PCNX2: variants seen among roughly 807,000 people sequenced by gnomAD.
The protein encoded by PCNX2 is pecanex 2.
Under a neutral mutation model 223.8 loss-of-function variants are expected in PCNX2, and 168 were observed. The ratio of observed to expected loss-of-function variants is 0.75; its 90% CI spans 0.66 to 0.85. The LOEUF (loss-of-function observed/expected upper bound fraction) is 0.85. Ranked by LOEUF, PCNX2 falls within the 40% of genes least tolerant of loss-of-function variation. The pLI, the probability that PCNX2 is intolerant of heterozygous loss-of-function variation, is 0.00. For missense variants in PCNX2, 2,507 were observed against 2,675.5 expected (o/e 0.94, Z 1.39); for synonymous variants, 1,006 against 1,052.6 (o/e 0.96, Z 0.86).
rs79023280 is a variant in PCNX2, at chr1:233,061,579, T to C, written c.4077-4289A>G. Among the ~76,000 whole-genome samples, 131 of 152,148 alleles carry C rather than the reference T, an allele frequency of 8.6e-4. 1 individual carries two copies. The highest frequency in any genetic ancestry group is 1.4e-3 in the Admixed American group (22 of 15,270). ...ACAGCTCAGTTTGGCTGTTTCTTTT[T>C]TCAGGTTTGGCAGATGGTCTTGAAT... On this transcript the variant is annotated intron_variant, in intron 23 of 33. Coordinates refer to ENST00000258229, the MANE Select transcript of PCNX2 (RefSeq NM_014801.4).
chr1:233,054,184 AC>A, intron 25 of PCNX2, 83 bp downstream of exon 25: 1 of 1,287,684 alleles, frequency 7.8e-7, no homozygotes, highest in Non-Finnish European at 1.1e-6. Flanking sequence ...TTCCTGTTTA[AC>A]AGTGACTTCT....
chr1:233,052,609 C>A (rs532588615), intron 25 of PCNX2, among the ~76,000 whole-genome samples: 1 of 152,266 alleles, frequency 6.6e-6, no homozygotes, highest in South Asian at 2.1e-4. Context: ...TCATTTCATG[C>A]GATACTCATT....
intron 17 of PCNX2, chr1:233,172,667 C>A (rs765060863): frequency 6.2e-6 from 3 of 487,520 alleles, no homozygotes; most frequent in Non-Finnish European, 5.3e-6. Context: ...CCAGGTTGGG[C>A]AAATGCTCTT....
chr1:233,103,812 G>A (rs559152332), intron 21 of PCNX2, among the ~76,000 whole-genome samples: 15 of 152,300 alleles, frequency 9.8e-5, no homozygotes, highest in African/African-American at 3.1e-4. Flanking sequence ...CAGTGGGATT[G>A]CTGGATCATA....
At chr1:233,226,489 T>G (rs1657728480) in intron 10 of PCNX2, among the ~76,000 whole-genome samples, 1 of 152,096 alleles carries the variant, frequency 6.6e-6, no homozygotes, top group Admixed American at 6.6e-5. Flanking sequence ...AGGCTGGTCT[T>G]GAACTCCTGA....
intron 25 of PCNX2, among the ~76,000 whole-genome samples, chr1:233,038,503 T>C (rs1354346818): frequency 1.3e-5 from 2 of 152,242 alleles, no homozygotes; most frequent in African/African-American, 2.4e-5. Context: ...CCAGACTTGC[T>C]ATCTAGACAA....
chr1:232,986,579 G>A, intron 32 of PCNX2, 39 bp from the exon 33 acceptor site: 1 of 1,458,446 alleles, frequency 6.9e-7, no homozygotes, highest in Non-Finnish European at 9.0e-7. Flanking sequence ...TAGCGGGTGG[G>A]TCATGAACAT....
In PCNX2 at chr1:233,015,823, A is replaced by G. The variant is rs935797609; in HGVS notation, c.4840-1046T>C. Reference sequence around the variant, plus strand: ...TAGGAGTTTGAGGCTGCAATAAGCTATGATCATTCTGCTGCACTCCAGCCT... The same window carrying G: ...TAGGAGTTTGAGGCTGCAATAAGCTGTGATCATTCTGCTGCACTCCAGCCT... On this transcript the variant is annotated intron_variant, in intron 27 of 33. Transcript: ENST00000258229. Among the ~76,000 whole-genome samples the G allele has an allele frequency of 1.3e-4, 20 of 152,030 alleles. 1 individual carries two copies. The highest frequency in any genetic ancestry group is 4.6e-4 in the African/African-American group (19 of 41,390).
intron 17 of PCNX2, among the ~76,000 whole-genome samples, chr1:233,171,399 T>G (rs1679145404): frequency 6.6e-6 from 1 of 152,146 alleles, no homozygotes; most frequent in Non-Finnish European, 1.5e-5. Context: ...GTCTCTGAGC[T>G]TTTGTTTTTC....
intron 17 of PCNX2, among the ~76,000 whole-genome samples, chr1:233,166,451 G>A (rs7547197): frequency 0.091 from 10,388 of 114,724 alleles, 1,055 homozygotes; most frequent in African/African-American, 0.31. Flanking sequence ...TTACAAAAAG[G>A]CAAGCCAAAG....
chr1:233,295,970 T>C (rs12407523), upstream of PCNX2, among the ~76,000 whole-genome samples: 6 of 149,504 alleles, frequency 4.0e-5, no homozygotes, highest in African/African-American at 1.5e-4. The surrounding 1 kb of genome is among the most constrained non-coding windows in gnomAD (Gnocchi z 4.1). Flanking sequence ...CTCTCTCTCT[T>C]TCTTTCTCGC....
chr1:233,079,168 C>T (rs1049770549), intron 23 of PCNX2, among the ~76,000 whole-genome samples: 7 of 152,152 alleles, frequency 4.6e-5, no homozygotes, highest in African/African-American at 7.2e-5. Flanking sequence ...CTCTGGCATT[C>T]TAGGCTACTT....
At chr1:233,146,561 C>T (rs1001707334) in intron 19 of PCNX2, among the ~76,000 whole-genome samples, 2 of 152,168 alleles carry the variant, frequency 1.3e-5, no homozygotes, top group Non-Finnish European at 2.9e-5. Flanking sequence ...GAGGCCATCA[C>T]ATCAAATGCA....
intron 1 of PCNX2, among the ~76,000 whole-genome samples, chr1:233,280,847 CT>C (rs1431666826): frequency 6.6e-6 from 1 of 152,104 alleles, no homozygotes; most frequent in Non-Finnish European, 1.5e-5. Flanking sequence ...TCTGTTTCTT[CT>C]GTGAAATGAG....
chr1:233,105,668 G>A (rs1674727479), intron 21 of PCNX2, among the ~76,000 whole-genome samples: 1 of 152,180 alleles, frequency 6.6e-6, no homozygotes, highest in South Asian at 2.1e-4. Context: ...TCCAGCAGGA[G>A]TAGGCTACTT....
At position 233,258,259 on chromosome 1, in the gene PCNX2, T is replaced by C. The variant is rs1430456045; in HGVS notation, c.1603A>G (p.Ser535Gly). The C allele has an allele frequency of 6.8e-6, 11 of 1,613,926 alleles. No individual in the cohort carries two copies. Among genetic ancestry groups the C allele is most frequent in the African/African-American group, 1.3e-5 (1 of 74,940 alleles). ...KRHARVLSVDSGTDVFLSKSS... is the reference protein window; with the variant it reads ...KRHARVLSVDGGTDVFLSKSS... ...TTACTCAAGAAGACATCTGTCCCACTGTCCACACTGAGCACCCGGGCATGC... is the reference window on the plus strand; with the variant it reads ...TTACTCAAGAAGACATCTGTCCCACCGTCCACACTGAGCACCCGGGCATGC... The change falls in exon 5 of 34, where the codon AGT (serine) becomes GGT (glycine). Residue 535 changes from serine (S) to glycine (G), a missense_variant. By Grantham distance (56) the Ser-to-Gly change is moderately conservative (BLOSUM62 0). This residue lies in a region of PCNX2 where 1,031 missense variants were observed against 1,021.7 expected (regional missense o/e 1.01). Coordinates refer to ENST00000258229, the MANE Select transcript of PCNX2 (RefSeq NM_014801.4).
At chr1:233,109,752 AG>A (rs1230013601) in intron 21 of PCNX2, among the ~76,000 whole-genome samples, 1 of 152,260 alleles carries the variant, frequency 6.6e-6, no homozygotes, top group Non-Finnish European at 1.5e-5. Flanking sequence ...GGAAGAGGGC[AG>A]AACAAAAGAA....
the PCNX2 span, among the ~76,000 whole-genome samples, chr1:233,307,385 T>C: frequency 2.0e-5 from 3 of 152,088 alleles, no homozygotes; most frequent in Admixed American, 2.0e-4. Flanking sequence ...GGCACCTCCC[T>C]CCTCTCTCTC....
chr1:232,983,845 T>G lies in PCNX2; in HGVS notation c.*459A>C, dbSNP rs1669351715. 1 of 152,956 alleles carries G rather than the reference T, an allele frequency of 6.5e-6. No individual in the cohort carries two copies. The highest frequency in any genetic ancestry group is 1.5e-5 in the Non-Finnish European group (1 of 68,532). The allele number at this position is 152,956 out of a possible 1,614,324, so 9.5% of individuals were successfully genotyped here. A position where few individuals can be genotyped will look rare whatever the true frequency, so the allele number is the denominator to read the frequency against. ...AGACGTGCTGCTGTTCATTTCTTTT[T>G]CATGGTAACAGTAATGTATAAAGTG... On this transcript the variant is annotated 3_prime_UTR_variant, in exon 34 of 34. Transcript: ENST00000258229.
Sources: allele counts gnomAD v4.1 joint callset (sites outside exome capture counted in the v4.1 genomes callset), GRCh38; gene constraint gnomAD v4.1.1; regional missense constraint gnomAD v4.1.1; non-coding constraint Gnocchi (gnomAD v3.1); transcripts MANE v1.5; gene names NCBI Gene and HGNC (gene_info 2026-07-23, HGNC 2026-07-21).